Variants in FBXL20 observed in about 807,000 individuals in gnomAD.
FBXL20 encodes F-box and leucine rich repeat protein 20.
A neutral mutation model predicts 64.0 loss-of-function variants in FBXL20; 11 were observed. That is an observed-to-expected ratio of 0.17 (90% confidence interval 0.11 to 0.28). The LOEUF is 0.28. FBXL20 is among the 10% of genes least tolerant of loss of function. The pLI, the probability that FBXL20 is intolerant of heterozygous loss-of-function variation, is 1.00. For missense variants in FBXL20, 303 were observed against 526.2 expected (o/e 0.58, Z 4.15); for synonymous variants, 184 against 189.0 (o/e 0.97, Z 0.22).
In FBXL20 at chr17:39,333,297, C is replaced by T. The variant is rs151050753; in HGVS notation, c.104+9883G>A. Among the ~76,000 whole-genome samples, 713 of 152,286 alleles carry T rather than the reference C, an allele frequency of 4.7e-3. 53 individuals carry two copies. The East Asian group carries it at 0.13, about 27-fold the overall frequency. On this transcript the variant is annotated intron_variant, in intron 2 of 14. Coordinates refer to ENST00000264658, the MANE Select transcript of FBXL20 (RefSeq NM_032875.3). ...AGTGCCTGGGATTGCAGGCGCGCGC[C>T]GCCACGCCTGACTGGTTTTCGTATT...
intron 2 of FBXL20, among the ~76,000 whole-genome samples, chr17:39,336,944 ACCTCTCCCTCTCCCTCCTCTCCCT>A (rs1038428991): frequency 1.0e-4 from 15 of 148,678 alleles, no homozygotes; most frequent in African/African-American, 3.0e-4. Context: ...ATAATAAACG[ACCTCTCCCTCTCCCTCCTCTCCCT>A]CCTCTCCCTC....
chr17:39,393,741 G>A (rs2048157152), intron 1 of FBXL20, among the ~76,000 whole-genome samples: 1 of 152,118 alleles, frequency 6.6e-6, no homozygotes, highest in South Asian at 2.1e-4. Flanking sequence ...TAACTCAAAT[G>A]CCTAATAAAT....
rs1222919441 is a variant in FBXL20, at chr17:39,252,804, CA to C, written c.*8655del. ...TTTTTTAGTCCAAAGATTTTTAAAG[CA>C]AAAGGAATCCTCTACTGCCACCTCG... On this transcript the variant is annotated 3_prime_UTR_variant, in exon 15 of 15. Transcript: ENST00000264658. The C allele has an allele frequency of 7.3e-6, 1 of 137,766 alleles. No homozygotes were observed. Among genetic ancestry groups the C allele is most frequent in the Non-Finnish European group, 1.6e-5 (1 of 64,236 alleles). 8.5% of individuals were successfully genotyped at this position (137,766 alleles called of 1,614,324 possible).
chr17:39,300,537 C>T (rs1034885511), intron 4 of FBXL20, among the ~76,000 whole-genome samples: 1 of 152,108 alleles, frequency 6.6e-6, no homozygotes, highest in Non-Finnish European at 1.5e-5. Flanking sequence ...CTAGCAAAAA[C>T]GATTCAATAA....
intron 2 of FBXL20, among the ~76,000 whole-genome samples, chr17:39,330,009 T>C (rs948591187): frequency 1.3e-5 from 2 of 151,804 alleles, no homozygotes; most frequent in Non-Finnish European, 2.9e-5. Flanking sequence ...AAATCAAAAA[T>C]AGGATGGGCG....
chr17:39,349,957 A>G (rs2047672056), intron 1 of FBXL20, among the ~76,000 whole-genome samples: 2 of 151,714 alleles, frequency 1.3e-5, no homozygotes, highest in African/African-American at 4.8e-5. Flanking sequence ...AAAAAGATGC[A>G]GTCAAAACTT....
In FBXL20 at chr17:39,261,299, T is replaced by C. The variant is rs890266390; in HGVS notation, c.*161A>G. ...GCTAGAGTGGATGGGGGTAAGGGTG[T>C]GTATGTGTATGTATGTGTGGCTCTG... On this transcript the variant is annotated 3_prime_UTR_variant, in exon 15 of 15. Transcript: ENST00000264658. 1.6e-6 allele frequency: 1 copy of C among 638,014 alleles called. No individual in the cohort carries two copies. The highest frequency in any genetic ancestry group is 2.9e-6 in the Non-Finnish European group (1 of 348,644). 39.5% of individuals were successfully genotyped at this position (638,014 alleles called of 1,614,324 possible).
chr17:39,283,517 C>G (rs996887603), intron 7 of FBXL20, among the ~76,000 whole-genome samples: 1 of 152,038 alleles, frequency 6.6e-6, no homozygotes, highest in African/African-American at 2.4e-5. Context: ...CTCACTACAG[C>G]TGTGACCTCC....
At chr17:39,295,498 A>AC (rs2047075930) in intron 6 of FBXL20, among the ~76,000 whole-genome samples, 1 of 151,830 alleles carries the variant, frequency 6.6e-6, no homozygotes, top group African/African-American at 2.4e-5. Context: ...CAAGTTATCC[A>AC]CCCACCTCAG....
At position 39,324,020 on chromosome 17, in the gene FBXL20, C is replaced by A. The variant is rs8082430; in HGVS notation, c.104+19160G>T. Among the ~76,000 whole-genome samples the A allele has an allele frequency of 9.9e-3, 1,378 of 139,580 alleles. 87 individuals are homozygous for A. The highest frequency in any genetic ancestry group is 0.038 in the African/African-American group (1,319 of 34,388). The allele number at this position is 139,580 out of a possible 152,430, so 91.6% of individuals were successfully genotyped here. A position where few individuals can be genotyped will look rare whatever the true frequency, so the allele number is the denominator to read the frequency against. ...ACCTCGTGATCCAACCCCCTCCCCC[C>A]CCCACCCCCTGGCCTCCCAAAGTGC... On this transcript the variant is annotated intron_variant, in intron 2 of 14. Coordinates refer to ENST00000264658, the MANE Select transcript of FBXL20 (RefSeq NM_032875.3).
chr17:39,398,049 G>T lies in FBXL20; in HGVS notation c.42+3312C>A, dbSNP rs960728878. On this transcript the variant is annotated intron_variant, in intron 1 of 14. Coordinates refer to ENST00000264658, the MANE Select transcript of FBXL20 (RefSeq NM_032875.3). ...TTGGGAGGCCGGCGGGCGGGGGGGG[G>T]GGGGGGGTTGGATCACGAGGTCAGG... Among the ~76,000 whole-genome samples the T allele has an allele frequency of 1.2e-4, 13 of 110,462 alleles. 4 individuals carry two copies. Among genetic ancestry groups the T allele is most frequent in the Non-Finnish European group, 1.8e-4 (9 of 48,850 alleles). The allele number at this position is 110,462 out of a possible 152,430, so 72.5% of individuals were successfully genotyped here. A position where few individuals can be genotyped will look rare whatever the true frequency, so the allele number is the denominator to read the frequency against.
chr17:39,341,439 C>T (rs1864511428), intron 2 of FBXL20, among the ~76,000 whole-genome samples: 1 of 152,152 alleles, frequency 6.6e-6, no homozygotes, highest in African/African-American at 2.4e-5. Flanking sequence ...AAAACAGTCA[C>T]ATATCTTCTT....
intron 1 of FBXL20, among the ~76,000 whole-genome samples, chr17:39,361,146 G>C (rs1014252494): frequency 6.6e-6 from 1 of 152,064 alleles, no homozygotes; most frequent in Non-Finnish European, 1.5e-5. Context: ...CTGAGTGTTA[G>C]GGAACAGGAG....
At chr17:39,303,723 G>T in intron 2 of FBXL20, 84 bp from the exon 3 acceptor site, 1 of 1,258,264 alleles carries the variant, frequency 7.9e-7, no homozygotes. Context: ...GTCTCACTCT[G>T]TCAGCCAAGC....
intron 1 of FBXL20, among the ~76,000 whole-genome samples, chr17:39,382,442 CAAAAAAAA>C (rs543348192): frequency 1.1e-5 from 1 of 88,196 alleles, no homozygotes; most frequent in African/African-American, 3.6e-5. Flanking sequence ...GACTCCATCT[CAAAAAAAA>C]AAAAAAAAAA....
At chr17:39,374,138 T>C (rs1488136868) in intron 1 of FBXL20, among the ~76,000 whole-genome samples, 1 of 151,152 alleles carries the variant, frequency 6.6e-6, no homozygotes, top group Non-Finnish European at 1.5e-5. Flanking sequence ...GGCAGGAGAA[T>C]CGCTTGAACC....
chr17:39,371,199 C>G (rs1203005537), intron 1 of FBXL20, among the ~76,000 whole-genome samples: 2 of 152,084 alleles, frequency 1.3e-5, no homozygotes, highest in Non-Finnish European at 2.9e-5. Flanking sequence ...GGCGAAACTC[C>G]ACCTCAAAGA....
chr17:39,371,293 CT>C (rs1226380625), intron 1 of FBXL20, among the ~76,000 whole-genome samples: 1 of 152,242 alleles, frequency 6.6e-6, no homozygotes, highest in Non-Finnish European at 1.5e-5. Context: ...TGCTTATATA[CT>C]TTTTTTAAAA....
At chr17:39,322,415 T>C (rs912684612) in intron 2 of FBXL20, among the ~76,000 whole-genome samples, 1 of 152,162 alleles carries the variant, frequency 6.6e-6, no homozygotes, top group Non-Finnish European at 1.5e-5. Context: ...CTCCAGAACA[T>C]CTAAGGTGAA....
Sources: allele counts gnomAD v4.1 joint callset (sites outside exome capture counted in the v4.1 genomes callset), GRCh38; gene constraint gnomAD v4.1.1; transcripts MANE v1.5; gene names NCBI Gene and HGNC (gene_info 2026-07-23, HGNC 2026-07-21).